The following THOC5 variants were observed in gnomAD, a reference collection of about 807,000 sequenced individuals.
The protein encoded by THOC5 is THO complex subunit 5, also known as Fms-interacting protein.
A neutral mutation model predicts 92.9 loss-of-function variants in THOC5; 43 were observed. The observed-to-expected ratio is 0.46, with a 90% CI of 0.36 to 0.60. The LOEUF is 0.60. Ranked by LOEUF, THOC5 falls within the 20% of genes least tolerant of loss-of-function variation. THOC5 has a pLI of 0.00. For synonymous variants in THOC5, 296 were observed against 320.1 expected (o/e 0.92, Z 0.80); for missense variants, 659 against 849.4 (o/e 0.78, Z 2.79).
intron 7 of THOC5, 124 bp downstream of exon 7, chr22:29,536,500 C>T: frequency 1.6e-6 from 1 of 630,562 alleles, no homozygotes; most frequent in Non-Finnish European, 2.9e-6. Context: ...GGGATGCAGA[C>T]AAGGCCATCC....
chr22:29,537,027 G>A (rs886503490), intron 6 of THOC5, among the ~76,000 whole-genome samples: 18 of 152,252 alleles, frequency 1.2e-4, no homozygotes, highest in African/African-American at 3.1e-4. Context: ...CAAACACTGC[G>A]CTAGGCTTTG....
chr22:29,552,314 G>A (rs1412544455), intron 1 of THOC5, among the ~76,000 whole-genome samples: 9 of 149,752 alleles, frequency 6.0e-5, no homozygotes, highest in East Asian at 2.0e-4. Context: ...ACCTCTTCCC[G>A]GACCCCATCC....
Position 29,543,416 on chromosome 22 carries a change from T to A in THOC5, c.354+13A>T. ...GAAGGAGGAAGGTTAAAATTAAACC[T>A]TTTAACTACTACCTCGTGGGTCTGA... On this transcript the variant is annotated intron_variant, in intron 4 of 19. Coordinates refer to ENST00000490103, the MANE Select transcript of THOC5 (RefSeq NM_003678.5). 6.3e-7 allele frequency: 1 copy of A among 1,574,860 alleles called. No individual in the cohort carries two copies. Among genetic ancestry groups the A allele is most frequent in the African/African-American group, 1.4e-5 (1 of 73,812 alleles).
At chr22:29,509,371 C>T (rs2063181450) in intron 19 of THOC5, among the ~76,000 whole-genome samples, 1 of 152,086 alleles carries the variant, frequency 6.6e-6, no homozygotes, top group Admixed American at 6.6e-5. Flanking sequence ...GAATTCCCAC[C>T]CTGGCAATGT....
intron 12 of THOC5, among the ~76,000 whole-genome samples, chr22:29,522,277 G>A (rs771153442): frequency 6.6e-6 from 1 of 151,734 alleles, no homozygotes; most frequent in Non-Finnish European, 1.5e-5. Flanking sequence ...GGAGAATGGT[G>A]TGAACCCGGG....
chr22:29,531,361 T>A, intron 8 of THOC5: 1 of 985,408 alleles, frequency 1.0e-6, no homozygotes, highest in South Asian at 4.7e-5. Flanking sequence ...CAGGCTGCCC[T>A]CAAGCTTAAT....
In THOC5 at chr22:29,529,233, G is replaced by A. The variant is rs141199207; in HGVS notation, c.854C>T (p.Thr285Met). 1.2e-5 allele frequency: 19 copies of A among 1,614,038 alleles called. No individual in the cohort carries two copies. Among genetic ancestry groups the A allele is most frequent in the South Asian group, 8.8e-5 (8 of 91,080 alleles). Reference sequence around the variant, plus strand: ...ACTGCCTTCGATTGCCACAGATAACGTCTTATCTGGGGGGCAAGAAGAAGT... The same window carrying A: ...ACTGCCTTCGATTGCCACAGATAACATCTTATCTGGGGGGCAAGAAGAAGT... Reference protein sequence around the residue: ...ATAYGQACDKTLSVAIEGSVD... With the variant: ...ATAYGQACDKMLSVAIEGSVD... Residue 285 changes from threonine to methionine, a missense_variant, in exon 9 of 20, where the codon ACG (threonine) becomes ATG (methionine). By Grantham distance (81) the Thr-to-Met change is moderately conservative. Coordinates refer to ENST00000490103, the MANE Select transcript of THOC5 (RefSeq NM_003678.5).
intron 6 of THOC5, among the ~76,000 whole-genome samples, chr22:29,538,376 G>A (rs1223698430): frequency 1.3e-5 from 2 of 152,154 alleles, no homozygotes. Context: ...ATATACACTA[G>A]AATGTTGCAC....
chr22:29,532,013 C>A, intron 7 of THOC5, 50 bp from the exon 8 acceptor site: 1 of 1,592,400 alleles, frequency 6.3e-7, no homozygotes, highest in African/African-American at 1.3e-5. Flanking sequence ...CCAGTCCACA[C>A]AGGAAAAAGT....
intron 15 of THOC5, 150 bp from the exon 16 acceptor site, chr22:29,517,516 C>A: frequency 1.5e-6 from 1 of 665,710 alleles, no homozygotes; most frequent in Admixed American, 2.7e-5. Flanking sequence ...CAGGTCAACA[C>A]GTGCCAGGAA....
At chr22:29,519,768 G>T (rs1224027479) in intron 14 of THOC5, among the ~76,000 whole-genome samples, 1 of 152,012 alleles carries the variant, frequency 6.6e-6, no homozygotes, top group African/African-American at 2.4e-5. Flanking sequence ...GAATAGCTGG[G>T]ATTATAGGAA....
At chr22:29,525,088 C>T (rs1840583114) in intron 12 of THOC5, among the ~76,000 whole-genome samples, 1 of 152,026 alleles carries the variant, frequency 6.6e-6, no homozygotes, top group Non-Finnish European at 1.5e-5. Flanking sequence ...CCCTGGGCAA[C>T]ACAGCAAGAC....
At chr22:29,517,712 G>A (rs2063360727) in intron 15 of THOC5, among the ~76,000 whole-genome samples, 1 of 152,260 alleles carries the variant, frequency 6.6e-6, no homozygotes, top group South Asian at 2.1e-4. Flanking sequence ...ATAGAGGCCT[G>A]TGTTTTCATA....
chr22:29,526,213 CAG>C (rs1256002590), intron 11 of THOC5, among the ~76,000 whole-genome samples: 1 of 152,042 alleles, frequency 6.6e-6, no homozygotes, highest in African/African-American at 2.4e-5. Flanking sequence ...TAGAAAAATT[CAG>C]AGACTTTTAC....
At position 29,519,081 on chromosome 22, in the gene THOC5, T is replaced by A. The variant is rs1310130069; in HGVS notation, c.1414A>T (p.Met472Leu). 6.2e-7 allele frequency: 1 copy of A among 1,611,764 alleles called. No individual in the cohort carries two copies. The highest frequency in any genetic ancestry group is 1.3e-5 in the African/African-American group (1 of 74,902). The change falls in exon 15 of 20, where the codon ATG becomes TTG. Residue 472 changes from methionine to leucine, a missense_variant. Transcript: ENST00000490103. ...IADHSLSASH[M>L]ETTMKLLKTR... ...TTCAGAAGTTTCATGGTGGTCTCCA[T>A]GTGGCTGGCGCTCAGCGAGTGGTCA...
chr22:29,530,727 A>G (rs999444276), intron 8 of THOC5, among the ~76,000 whole-genome samples: 1 of 152,074 alleles, frequency 6.6e-6, no homozygotes, highest in South Asian at 2.1e-4. Context: ...CAGGTATGAC[A>G]CCTCATTGAG....
intron 11 of THOC5, among the ~76,000 whole-genome samples, chr22:29,526,489 GC>G (rs1332722401): frequency 2.0e-5 from 3 of 151,652 alleles, no homozygotes; most frequent in African/African-American, 7.3e-5. Flanking sequence ...CAGAGATCAC[GC>G]CACTGCACTC....
At chr22:29,552,616 G>A (rs1268881818) in intron 1 of THOC5, among the ~76,000 whole-genome samples, 11 of 149,568 alleles carry the variant, frequency 7.4e-5, no homozygotes, top group African/African-American at 9.8e-5. Context: ...CGTCGGGTCG[G>A]GGGTAGGGGG....
At position 29,527,996 on chromosome 22, in the gene THOC5, T is replaced by C. The variant is rs1250268896; in HGVS notation, c.1066+82A>G. ...ATCCTTTGTTGGGCAAATGGGTGTT[T>C]GGCTCCCGGACCCTCTGCACCTGCA... On this transcript the variant is annotated intron_variant, in intron 11 of 19. Coordinates refer to ENST00000490103, the MANE Select transcript of THOC5 (RefSeq NM_003678.5). The C allele has an allele frequency of 6.7e-6, 9 of 1,336,210 alleles. No individual in the cohort carries two copies. The Admixed American group carries it at 1.5e-4, about 23-fold the overall frequency. 82.8% of individuals were successfully genotyped at this position (1,336,210 alleles called of 1,614,324 possible).
Sources: gnomAD v4.1 joint callset for allele counts (sites outside exome capture counted in the v4.1 genomes callset) on GRCh38, gnomAD v4.1.1 for gene constraint, MANE v1.5 for transcripts, NCBI Gene and HGNC (gene_info 2026-07-23, HGNC 2026-07-21) for gene names.